Variants in CSMD1 observed in about 807,000 individuals in gnomAD.
CSMD1 encodes CUB and sushi domain-containing protein 1.
CSMD1 carries 213 observed loss-of-function variants against 417.5 expected under a neutral mutation model. That is an observed-to-expected ratio of 0.51 (90% CI 0.46 to 0.57). The LOEUF is 0.57. Among genes scored for constraint, CSMD1 ranks in the 20% least tolerant of loss-of-function variants. The probability of loss-of-function intolerance (pLI) is 0.00; values close to 1 mark genes in which losing one functional copy is unlikely to be tolerated. For missense variants in CSMD1, 6,923 were observed against 4,529.7 expected, an observed-to-expected ratio of 1.53 and a Z score of -15.17; for synonymous variants, 2,862 against 1,736.8, an observed-to-expected ratio of 1.65 and a Z score of -16.11.
At chr8:4,262,666 C>T (rs1374502096) in intron 3 of CSMD1, among the ~76,000 whole-genome samples, 1 of 152,034 alleles carries the variant, frequency 6.6e-6, no homozygotes, top group Admixed American at 6.6e-5. Flanking sequence ...GTAAAACGTG[C>T]CCAACCAGGA....
intron 3 of CSMD1, among the ~76,000 whole-genome samples, chr8:4,291,658 T>G (rs977910800): frequency 1.4e-4 from 22 of 152,298 alleles, no homozygotes; most frequent in African/African-American, 3.8e-4. Context: ...TGGAGAACAT[T>G]TCCTACCAGA....
At chr8:4,333,913 A>G (rs911976980) in intron 3 of CSMD1, among the ~76,000 whole-genome samples, 2 of 152,062 alleles carry the variant, frequency 1.3e-5, no homozygotes, top group Non-Finnish European at 2.9e-5. Flanking sequence ...TTGTTTTGAG[A>G]AAAGTTCTCA....
intron 3 of CSMD1, among the ~76,000 whole-genome samples, chr8:4,032,395 T>G (rs1309623335): frequency 6.6e-6 from 1 of 152,092 alleles, no homozygotes; most frequent in Non-Finnish European, 1.5e-5. Flanking sequence ...TATATTTTTC[T>G]AGTCACAAAA....
chr8:3,623,640 C>G (rs7016912), intron 7 of CSMD1, among the ~76,000 whole-genome samples: 60,509 of 151,922 alleles, frequency 0.4, 12,179 homozygotes, highest in Middle Eastern at 0.49. Flanking sequence ...TAATATTAAA[C>G]CCATTTTATA....
intron 3 of CSMD1, among the ~76,000 whole-genome samples, chr8:4,376,161 T>G (rs1018527214): frequency 6.6e-6 from 1 of 152,212 alleles, no homozygotes; most frequent in Admixed American, 6.5e-5. Flanking sequence ...TAACATCAAG[T>G]GTGCTTAACA....
rs781766256 is a variant in CSMD1, at chr8:3,468,827, G to A, written c.1449-3C>T. The A allele has an allele frequency of 2.3e-5, 37 of 1,574,690 alleles. No homozygotes were observed. Among genetic ancestry groups the A allele is most frequent in the African/African-American group, 9.4e-5 (7 of 74,298 alleles). ...CAGGAACACTGGATCCCGTGAGCCTGCAAGAAAGAGAAATGTCAAAGCTTT... is the reference window on the plus strand; with the variant it reads ...CAGGAACACTGGATCCCGTGAGCCTACAAGAAAGAGAAATGTCAAAGCTTT... On this transcript the variant is annotated splice_region_variant and splice_polypyrimidine_tract_variant and intron_variant, in intron 11 of 69. Coordinates refer to ENST00000635120, the MANE Select transcript of CSMD1 (RefSeq NM_033225.6).
At chr8:3,019,867 C>G (rs1160780422) in intron 51 of CSMD1, among the ~76,000 whole-genome samples, 1 of 152,190 alleles carries the variant, frequency 6.6e-6, no homozygotes, top group Non-Finnish European at 1.5e-5. Flanking sequence ...GTTATCCAGC[C>G]CAACCTATCA....
At chr8:4,078,381 C>G (rs1234378952) in intron 3 of CSMD1, among the ~76,000 whole-genome samples, 2 of 137,062 alleles carry the variant, frequency 1.5e-5, no homozygotes, top group African/African-American at 5.6e-5. Flanking sequence ...GTGGCGTGAT[C>G]TCGACTCACT....
chr8:4,018,247 T>C (rs1291734756), intron 4 of CSMD1, among the ~76,000 whole-genome samples: 1 of 152,082 alleles, frequency 6.6e-6, no homozygotes, highest in Non-Finnish European at 1.5e-5. Flanking sequence ...TTTTATGATT[T>C]AAACATTTGG....
rs370552029 is a variant in CSMD1, at chr8:4,733,533, T to C, written c.86-95975A>G. On this transcript the variant is annotated intron_variant, in intron 1 of 69. Coordinates refer to ENST00000635120, the MANE Select transcript of CSMD1 (RefSeq NM_033225.6). ...TCAATGGTGCAACAAGGAAGATAGA[T>C]AGTGCATTGCCCATTTAAACTGACA... Among the ~76,000 whole-genome samples, 131 of 152,336 alleles carry C rather than the reference T, an allele frequency of 8.6e-4. 2 individuals are homozygous for C. The South Asian group carries it at 0.027, about 31-fold the overall frequency.
intron 33 of CSMD1, among the ~76,000 whole-genome samples, chr8:3,193,676 A>T (rs1378627266): frequency 6.6e-6 from 1 of 152,220 alleles, no homozygotes; most frequent in Non-Finnish European, 1.5e-5. Flanking sequence ...GAATGAGGTC[A>T]GCCTGGAATA....
chr8:3,375,291 G>T (rs531217769), intron 18 of CSMD1: 1 of 152,216 alleles, frequency 6.6e-6, no homozygotes, highest in East Asian at 1.9e-4. Context: ...TGTGTTTCAG[G>T]TTATTTTTGT....
chr8:4,079,027 T>C (rs1585267144), intron 3 of CSMD1, among the ~76,000 whole-genome samples: 1 of 151,258 alleles, frequency 6.6e-6, no homozygotes, highest in Admixed American at 6.6e-5. Context: ...ATTTGTTGTG[T>C]CCAGGTATGG....
At chr8:3,907,621 C>G (rs915370288) in intron 5 of CSMD1, among the ~76,000 whole-genome samples, 1 of 152,146 alleles carries the variant, frequency 6.6e-6, no homozygotes, top group African/African-American at 2.4e-5. Context: ...AGCCTAAGTT[C>G]AGGCTCATTG....
rs543132404 is a variant in CSMD1 at position 4,708,674 on chromosome 8, A to G, written c.86-71116T>C. On this transcript the variant is annotated intron_variant, in intron 1 of 69. Transcript: ENST00000635120. Reference sequence around the variant, plus strand: ...TATAGACACCATCCTAACCAGATTCATTTTTTTTTTTAAGAGAAAGATTTC... The same window carrying G: ...TATAGACACCATCCTAACCAGATTCGTTTTTTTTTTTAAGAGAAAGATTTC... 2.0e-5 allele frequency among the ~76,000 whole-genome samples: 3 copies of G among 147,854 alleles called. No individual in the cohort carries two copies. In the South Asian group the frequency reaches 6.5e-4, roughly 32 times the overall value.
intron 5 of CSMD1, among the ~76,000 whole-genome samples, chr8:3,761,915 C>T (rs927587449): frequency 2.6e-5 from 4 of 152,090 alleles, no homozygotes; most frequent in African/African-American, 4.8e-5. Flanking sequence ...CTCTGGCTCT[C>T]TTTTTTCTGG....
intron 19 of CSMD1, 33 bp downstream of exon 19, chr8:3,369,221 T>A: frequency 9.7e-7 from 1 of 1,033,384 alleles, no homozygotes; most frequent in East Asian, 2.4e-5. Flanking sequence ...CATTTATTAG[T>A]CTGTATGTTT....
At chr8:4,154,983 T>G (rs1461844387) in intron 3 of CSMD1, among the ~76,000 whole-genome samples, 1 of 152,144 alleles carries the variant, frequency 6.6e-6, no homozygotes, top group Non-Finnish European at 1.5e-5. Context: ...CTAATGCTAC[T>G]CCAGAAACAC....
intron 54 of CSMD1, among the ~76,000 whole-genome samples, chr8:2,985,781 G>A (rs76698791): frequency 5.3e-5 from 8 of 152,004 alleles, no homozygotes; most frequent in South Asian, 2.1e-4. Flanking sequence ...ATAGCTGCCC[G>A]GAGCAACAGG....
Sources: gnomAD v4.1 joint callset for allele counts (sites outside exome capture counted in the v4.1 genomes callset) on GRCh38, gnomAD v4.1.1 for gene constraint, MANE v1.5 for transcripts, NCBI Gene and HGNC (gene_info 2026-07-23, HGNC 2026-07-21) for gene names.